The following CADM2 variants were observed in gnomAD, a reference collection of about 807,000 sequenced individuals.
CADM2 encodes cell adhesion molecule 2, also known as immunoglobulin superfamily member 4D.
A neutral mutation model predicts 49.8 loss-of-function variants in CADM2; 12 were observed. The observed-to-expected ratio is 0.24, with a 90% CI of 0.15 to 0.39. The LOEUF (loss-of-function observed/expected upper bound fraction) is 0.39. Among genes scored for constraint, CADM2 ranks in the 10% least tolerant of loss-of-function variants. The pLI is 1.00. For missense variants in CADM2, 378 were observed against 492.3 expected (o/e 0.77, Z 2.20); for synonymous variants, 214 against 175.4 (o/e 1.22, Z -1.74).
intron 1 of CADM2, among the ~76,000 whole-genome samples, chr3:85,721,202 A>G (rs1324922312): frequency 1.3e-5 from 2 of 152,214 alleles, no homozygotes; most frequent in South Asian, 2.1e-4. Context: ...AGTGTGTACT[A>G]TAAGTGTAAC....
intron 2 of CADM2, among the ~76,000 whole-genome samples, chr3:85,761,529 A>T (rs1319330991): frequency 6.6e-6 from 1 of 151,858 alleles, no homozygotes; most frequent in African/African-American, 2.4e-5. Flanking sequence ...GGCGTGTGCC[A>T]CCATGCCCAG....
chr3:86,012,736 T>G, intron 8 of CADM2: 1 of 814,576 alleles, frequency 1.2e-6, no homozygotes, highest in African/African-American at 1.7e-5. Context: ...ACGCCTGTAA[T>G]CCCAGCACTT....
chr3:85,598,026 T>C (rs2063293728), intron 1 of CADM2, among the ~76,000 whole-genome samples: 1 of 152,090 alleles, frequency 6.6e-6, no homozygotes, highest in Non-Finnish European at 1.5e-5. Context: ...ATTTTACATA[T>C]AGCTTTAGAT....
At chr3:85,715,099 A>G (rs903226358) in intron 1 of CADM2, among the ~76,000 whole-genome samples, 9 of 152,208 alleles carry the variant, frequency 5.9e-5, no homozygotes, top group Non-Finnish European at 1.2e-4. Flanking sequence ...ACAATATAGT[A>G]TTCTCTATAC....
At chr3:85,333,589 TA>T (rs1341701618) in intron 1 of CADM2, among the ~76,000 whole-genome samples, 1 of 151,754 alleles carries the variant, frequency 6.6e-6, no homozygotes, top group Non-Finnish European at 1.5e-5. Flanking sequence ...TTAATTAGGT[TA>T]ATCATTTTAA....
At chr3:85,175,278 C>G (rs1265288161) in intron 1 of CADM2, among the ~76,000 whole-genome samples, 1 of 151,928 alleles carries the variant, frequency 6.6e-6, no homozygotes, top group Admixed American at 6.6e-5. Flanking sequence ...GTGCATGCAC[C>G]CCCCGAAAAG....
chr3:85,191,972 T>TG (rs2041220664), intron 1 of CADM2, among the ~76,000 whole-genome samples: 3 of 151,878 alleles, frequency 2.0e-5, no homozygotes, highest in South Asian at 4.2e-4. Flanking sequence ...TGTGTGTGTA[T>TG]TTTTTTAACC....
chr3:85,689,295 G>A (rs548179139), intron 1 of CADM2, among the ~76,000 whole-genome samples: 2 of 152,298 alleles, frequency 1.3e-5, no homozygotes, highest in South Asian at 4.1e-4. Flanking sequence ...CAAATTTAAA[G>A]TCTGTGCAGT....
At chr3:85,023,788 A>G (rs1478935101) in intron 1 of CADM2, among the ~76,000 whole-genome samples, 7 of 151,964 alleles carry the variant, frequency 4.6e-5, no homozygotes, top group Admixed American at 2.6e-4. Context: ...TTTAAAATTT[A>G]GTGTTCTGTG....
At position 85,568,457 on chromosome 3, in the gene CADM2, T is replaced by TCTC. The variant is rs1559915948; in HGVS notation, c.62-158065_62-158064insCTC. Among the ~76,000 whole-genome samples, 38 of 36,014 alleles carry TCTC rather than the reference T, an allele frequency of 1.1e-3. 2 individuals are homozygous for TCTC. Among genetic ancestry groups the TCTC allele is most frequent in the African/African-American group, 3.3e-3 (33 of 10,096 alleles). 23.6% of individuals were successfully genotyped at this position (36,014 alleles called of 152,430 possible). A position where few individuals can be genotyped will look rare whatever the true frequency, so the allele number is the denominator to read the frequency against. On this transcript the variant is annotated intron_variant, in intron 1 of 9. Transcript: ENST00000383699. ...TTTCTTTCTTTCTTTCTTTCTTTCTTTCTTTCTCTTTCTCTCTCTTTCTTT... is the reference window on the plus strand; with the variant it reads ...TTTCTTTCTTTCTTTCTTTCTTTCTTCTCTCTTTCTCTTTCTCTCTCTTTCTTT...
intron 8 of CADM2, among the ~76,000 whole-genome samples, chr3:86,048,123 T>C (rs534728627): frequency 3.3e-5 from 5 of 152,182 alleles, no homozygotes; most frequent in African/African-American, 1.2e-4. Context: ...GGAGGATGGG[T>C]GTAATGGAAG....
intron 1 of CADM2, among the ~76,000 whole-genome samples, chr3:85,428,983 C>T (rs1054434421): frequency 2.0e-5 from 3 of 151,864 alleles, no homozygotes; most frequent in African/African-American, 7.3e-5. Flanking sequence ...TAAATATAGA[C>T]TTGGAAAAAT....
At chr3:85,348,994 G>A (rs1015753421) in intron 1 of CADM2, among the ~76,000 whole-genome samples, 5 of 152,106 alleles carry the variant, frequency 3.3e-5, no homozygotes, top group East Asian at 1.9e-4. Flanking sequence ...GTATGAAAAC[G>A]TGAGTCATTC....
At chr3:85,670,336 A>T (rs906514591) in intron 1 of CADM2, among the ~76,000 whole-genome samples, 7 of 152,146 alleles carry the variant, frequency 4.6e-5, no homozygotes, top group Non-Finnish European at 1.0e-4. Context: ...TATTTGTTTT[A>T]TTCTATCAAC....
intron 1 of CADM2, among the ~76,000 whole-genome samples, chr3:85,723,046 C>T (rs1231272776): frequency 6.6e-6 from 1 of 152,132 alleles, no homozygotes; most frequent in Non-Finnish European, 1.5e-5. Context: ...TTCAGCATTT[C>T]TACATAAATA....
chr3:85,322,609 G>T (rs2044643605), intron 1 of CADM2, among the ~76,000 whole-genome samples: 1 of 152,136 alleles, frequency 6.6e-6, no homozygotes, highest in Admixed American at 6.5e-5. Flanking sequence ...AAATAAATAT[G>T]CAAAACCAAT....
chr3:85,425,670 T>A (rs2036366810), intron 1 of CADM2, among the ~76,000 whole-genome samples: 1 of 152,188 alleles, frequency 6.6e-6, no homozygotes, highest in South Asian at 2.1e-4. Context: ...GTCATTTTTG[T>A]TTTAAATCAC....
intron 3 of CADM2, among the ~76,000 whole-genome samples, chr3:85,855,712 C>T (rs2075291871): frequency 6.6e-6 from 1 of 150,572 alleles, no homozygotes; most frequent in Non-Finnish European, 1.5e-5. Flanking sequence ...CTGCAAGCTC[C>T]GCCTCCTGGG....
chr3:85,620,179 T>C (rs922450496), intron 1 of CADM2, among the ~76,000 whole-genome samples: 1 of 152,096 alleles, frequency 6.6e-6, no homozygotes, highest in Non-Finnish European at 1.5e-5. Context: ...GCTAATGAGA[T>C]GATATTAGAA....
Sources: allele counts gnomAD v4.1 joint callset (sites outside exome capture counted in the v4.1 genomes callset), GRCh38; gene constraint gnomAD v4.1.1; transcripts MANE v1.5; gene names NCBI Gene and HGNC (gene_info 2026-07-23, HGNC 2026-07-21).